Variants in CALN1 observed in about 807,000 individuals in gnomAD.
The protein encoded by CALN1 is calneuron 1, also known as calcium-binding protein 8.
In CALN1, 17 loss-of-function variants were observed where a neutral mutation model predicts 30.6. The ratio of observed to expected loss-of-function variants is 0.56; its 90% CI spans 0.38 to 0.83. CALN1 has a LOEUF of 0.83. Among genes scored for constraint, CALN1 ranks in the 40% least tolerant of loss-of-function variants. The probability of loss-of-function intolerance (pLI) is 0.00; values close to 1 mark genes in which losing one functional copy is unlikely to be tolerated. For synonymous variants in CALN1, 156 were observed against 131.4 expected, an observed-to-expected ratio of 1.19 and a Z score of -1.28; for missense variants, 291 against 354.9, an observed-to-expected ratio of 0.82 and a Z score of 1.45.
chr7:72,101,558 G>C (rs977545877), intron 4 of CALN1, among the ~76,000 whole-genome samples: 5 of 152,100 alleles, frequency 3.3e-5, no homozygotes, highest in Non-Finnish European at 7.4e-5. Flanking sequence ...GAATACCCTG[G>C]ATAAAACATC....
chr7:72,351,923 G>A (rs960576336), intron 2 of CALN1, among the ~76,000 whole-genome samples: 4 of 152,126 alleles, frequency 2.6e-5, no homozygotes, highest in African/African-American at 9.7e-5. Flanking sequence ...CTTTTCAAGT[G>A]CCTTTTGAAT....
chr7:72,335,173 A>C (rs1023984443), intron 2 of CALN1, among the ~76,000 whole-genome samples: 1 of 152,286 alleles, frequency 6.6e-6, no homozygotes, highest in Non-Finnish European at 1.5e-5. Flanking sequence ...ACCCCACAAA[A>C]AATGAAATAA....
intron 1 of CALN1, among the ~76,000 whole-genome samples, chr7:72,407,653 G>A (rs768221013): frequency 6.6e-6 from 1 of 152,150 alleles, no homozygotes; most frequent in Non-Finnish European, 1.5e-5. Flanking sequence ...AGAACCGTGA[G>A]CCCATTAAAC....
chr7:72,194,592 CTTT>C (rs1181135798), intron 3 of CALN1, among the ~76,000 whole-genome samples: 44 of 115,684 alleles, frequency 3.8e-4, no homozygotes, highest in African/African-American at 1.3e-3. Flanking sequence ...TAACTGGCCT[CTTT>C]TTTTTTTTTT....
At chr7:72,047,364 C>T (rs1802535920) in intron 4 of CALN1, among the ~76,000 whole-genome samples, 2 of 152,070 alleles carry the variant, frequency 1.3e-5, no homozygotes, top group South Asian at 4.2e-4. Flanking sequence ...TTTGGGAGAT[C>T]GAGGTGAGAG....
chr7:72,059,802 A>C (rs868217361), intron 4 of CALN1, among the ~76,000 whole-genome samples: 26 of 152,222 alleles, frequency 1.7e-4, no homozygotes, highest in African/African-American at 5.8e-4. Context: ...TAGGTTGAAA[A>C]AAAACTGTGA....
At chr7:72,226,555 A>C (rs1158453291) in intron 3 of CALN1, among the ~76,000 whole-genome samples, 1 of 152,238 alleles carries the variant, frequency 6.6e-6, no homozygotes, top group East Asian at 1.9e-4. Flanking sequence ...ACTGAAGGTC[A>C]GCTTTCGCTA....
Position 72,391,896 on chromosome 7 carries a change from C to T in CALN1, c.119+11355G>A, listed in dbSNP as rs560375928. On this transcript the variant is annotated intron_variant, in intron 2 of 6. Coordinates refer to ENST00000395275, the MANE Select transcript of CALN1 (RefSeq NM_031468.4). Reference sequence around the variant, plus strand: ...CAGCATGAAAACAGACTAATACAGTCCCCAAATTCATTCAGCCTCCTTCTG... The same window carrying T: ...CAGCATGAAAACAGACTAATACAGTTCCCAAATTCATTCAGCCTCCTTCTG... Among the ~76,000 whole-genome samples, 3 of 152,220 alleles carry T rather than the reference C, an allele frequency of 2.0e-5. No individual in the cohort carries two copies. The East Asian group carries it at 5.8e-4, about 29-fold the overall frequency.
At chr7:72,396,445 A>G (rs1443584131) in intron 2 of CALN1, among the ~76,000 whole-genome samples, 3 of 151,542 alleles carry the variant, frequency 2.0e-5, no homozygotes, top group Non-Finnish European at 4.4e-5. Context: ...AAAGGAAACA[A>G]AAAGTGGAGA....
At chr7:72,474,928 T>C in the CALN1 span, among the ~76,000 whole-genome samples, 3 of 152,134 alleles carry the variant, frequency 2.0e-5, no homozygotes, top group Non-Finnish European at 2.9e-5. Context: ...TCAACAGTCA[T>C]TCATCTGGAT....
chr7:72,358,451 G>A (rs2138759), intron 2 of CALN1, among the ~76,000 whole-genome samples: 30,539 of 151,988 alleles, frequency 0.2, 3,949 homozygotes, highest in Non-Finnish European at 0.29. Context: ...CTCCCTTCCC[G>A]CAGAGAGCAC....
intron 2 of CALN1, among the ~76,000 whole-genome samples, chr7:72,297,046 T>C (rs1046266630): frequency 1.1e-4 from 17 of 152,170 alleles, no homozygotes; most frequent in African/African-American, 3.9e-4. Flanking sequence ...TCTTTCCTGC[T>C]TTCTCTTGTG....
At chr7:72,200,644 G>A (rs1791353308) in intron 3 of CALN1, among the ~76,000 whole-genome samples, 1 of 151,862 alleles carries the variant, frequency 6.6e-6, no homozygotes, top group African/African-American at 2.4e-5. Context: ...ACCATGCTAT[G>A]CCCCTGGGGG....
intron 2 of CALN1, among the ~76,000 whole-genome samples, chr7:72,376,530 CTAAT>C (rs1173870011): frequency 4.6e-5 from 7 of 152,166 alleles, no homozygotes; most frequent in African/African-American, 9.7e-5. Flanking sequence ...AATATCTACT[CTAAT>C]TATTTGTCCT....
At chr7:72,073,259 G>C (rs1804521272) in intron 4 of CALN1, among the ~76,000 whole-genome samples, 1 of 152,104 alleles carries the variant, frequency 6.6e-6, no homozygotes, top group Non-Finnish European at 1.5e-5. Flanking sequence ...AGGGAGAATG[G>C]GGTTATTGCT....
chr7:72,304,775 A>G (rs1767491157), intron 2 of CALN1, among the ~76,000 whole-genome samples: 1 of 152,220 alleles, frequency 6.6e-6, no homozygotes. Flanking sequence ...ATAGAGATAT[A>G]TAAAGTTCTT....
chr7:71,957,233 T>G (rs1283049177), intron 5 of CALN1, among the ~76,000 whole-genome samples: 1 of 152,170 alleles, frequency 6.6e-6, no homozygotes, highest in Non-Finnish European at 1.5e-5. Context: ...TTTACTTCTT[T>G]CAGAAAGATT....
intron 2 of CALN1, among the ~76,000 whole-genome samples, chr7:72,304,332 C>T (rs1799502968): frequency 6.6e-6 from 1 of 152,126 alleles, no homozygotes; most frequent in African/African-American, 2.4e-5. Flanking sequence ...AGTGGATGCT[C>T]AAAACCACAT....
At chr7:72,176,422 G>A (rs1402494727) in intron 3 of CALN1, among the ~76,000 whole-genome samples, 5 of 152,116 alleles carry the variant, frequency 3.3e-5, no homozygotes, top group East Asian at 3.9e-4. Flanking sequence ...TGGAGGTGAC[G>A]CCTGCTTGGA....
Sources: allele counts gnomAD v4.1 joint callset (sites outside exome capture counted in the v4.1 genomes callset), GRCh38; gene constraint gnomAD v4.1.1; transcripts MANE v1.5; gene names NCBI Gene and HGNC (gene_info 2026-07-23, HGNC 2026-07-21).